Variants in CES1 observed in about 807,000 individuals in gnomAD.
CES1 encodes liver carboxylesterase 1.
Under a neutral mutation model 53.0 loss-of-function variants are expected in CES1, and 50 were observed. The ratio of observed to expected loss-of-function variants is 0.94; its 90% CI spans 0.75 to 1.19. CES1 has a LOEUF of 1.19. Ranked by LOEUF, CES1 falls within the 50% of genes most tolerant of loss-of-function variation. The probability of loss-of-function intolerance (pLI) is 0.00; values close to 1 mark genes in which losing one functional copy is unlikely to be tolerated. For synonymous variants in CES1, 202 were observed against 210.1 expected (o/e 0.96, Z 0.33); for missense variants, 534 against 538.0 (o/e 0.99, Z 0.07).
intron 2 of CES1, among the ~76,000 whole-genome samples, chr16:55,827,013 G>T (rs1296902382): frequency 7.2e-5 from 11 of 152,160 alleles, no homozygotes; most frequent in Admixed American, 7.2e-4. Flanking sequence ...AGCCTAGGCA[G>T]GTTAGAGAAC....
intron 2 of CES1, among the ~76,000 whole-genome samples, chr16:55,826,711 C>T (rs556445945): frequency 2.6e-5 from 4 of 152,180 alleles, no homozygotes; most frequent in Non-Finnish European, 2.9e-5. Context: ...ATTCCTTTTA[C>T]ACTCTGCGTC....
At chr16:55,813,152 C>G (rs1437357362) in intron 8 of CES1, 109 bp from the exon 9 acceptor site, 12 of 1,430,440 alleles carry the variant, frequency 8.4e-6, no homozygotes, top group East Asian at 4.5e-5. Context: ...CATGGCCATG[C>G]GCCATGGCTG....
intron 3 of CES1, among the ~76,000 whole-genome samples, chr16:55,825,635 G>A (rs1431050115): frequency 6.6e-6 from 1 of 152,232 alleles, no homozygotes; most frequent in Non-Finnish European, 1.5e-5. Context: ...TTGCTGTGCT[G>A]GAGAAAGGCC....
chr16:55,812,536 G>A (rs566356402), intron 9 of CES1: 86 of 354,334 alleles, frequency 2.4e-4, no homozygotes, highest in East Asian at 1.4e-3. Flanking sequence ...CACCCAGCCC[G>A]AGGTGGGAAG....
At chr16:55,832,646 G>C (rs1263204900) in intron 1 of CES1, among the ~76,000 whole-genome samples, 1 of 152,204 alleles carries the variant, frequency 6.6e-6, no homozygotes. Context: ...CTCCAGAGTC[G>C]ATGCTCTTAA....
At chr16:55,820,576 A>G (rs1236335445) in intron 5 of CES1, 97 bp from the exon 6 acceptor site, 126 of 1,587,576 alleles carry the variant, frequency 7.9e-5, no homozygotes, top group Non-Finnish European at 9.8e-5. Flanking sequence ...TATAAAACCA[A>G]CACGGGACTG....
Position 55,821,273 on chromosome 16 carries a change from A to G in CES1, c.693+95T>C, listed in dbSNP as rs2032178366. On this transcript the variant is annotated intron_variant, in intron 5 of 13. Coordinates refer to ENST00000360526, the MANE Select transcript of CES1 (RefSeq NM_001025195.2). ...GCCAGTCCTGAATTCAGGTATTGTA[A>G]TCAGAGGTATCCATAGCTGGATTGA... 2.7e-6 allele frequency: 4 copies of G among 1,485,882 alleles called. No individual in the cohort carries two copies. In the South Asian group the frequency reaches 4.6e-5, roughly 17 times the overall value. 92.0% of individuals were successfully genotyped at this position (1,485,882 alleles called of 1,614,324 possible).
At chr16:55,820,652 A>G (rs1313037177) in intron 5 of CES1, among the ~76,000 whole-genome samples, 173 bp from the exon 6 acceptor site, 2 of 152,108 alleles carry the variant, frequency 1.3e-5, no homozygotes, top group Admixed American at 6.5e-5. Flanking sequence ...TACAGCTCCC[A>G]GCACCTCTCA....
At chr16:55,816,881 G>T (rs374281641) in intron 8 of CES1, 43 bp downstream of exon 8, 3 of 1,591,008 alleles carry the variant, frequency 1.9e-6, no homozygotes, top group Non-Finnish European at 2.6e-6. Flanking sequence ...GCTTAAAGGT[G>T]CTAAGACTCA....
At chr16:55,809,887 A>G (rs1185010092) in intron 11 of CES1, among the ~76,000 whole-genome samples, 7 of 152,206 alleles carry the variant, frequency 4.6e-5, no homozygotes, top group Non-Finnish European at 1.0e-4. Context: ...GTCCCACAAT[A>G]ACTCCAGGCA....
chr16:55,817,720 G>C (rs1299719842), intron 7 of CES1, among the ~76,000 whole-genome samples: 3 of 151,608 alleles, frequency 2.0e-5, no homozygotes, highest in Non-Finnish European at 4.4e-5. Context: ...GTGTGTCTCT[G>C]TGTGTGTGTG....
At chr16:55,819,794 G>A (rs1377200551) in intron 6 of CES1, among the ~76,000 whole-genome samples, 155 bp from the exon 7 acceptor site, 2 of 152,206 alleles carry the variant, frequency 1.3e-5, no homozygotes, top group East Asian at 1.9e-4. Context: ...CAGGTCCCAC[G>A]GAGCGTTGCC....
At chr16:55,820,217 T>C (rs2032114679) in intron 6 of CES1, 155 bp downstream of exon 6, 2 of 605,884 alleles carry the variant, frequency 3.3e-6, no homozygotes, top group African/African-American at 3.8e-5. Flanking sequence ...CTGATCAAGG[T>C]GTCTCCTCGC....
intron 9 of CES1, among the ~76,000 whole-genome samples, chr16:55,811,521 C>T (rs1270773446): frequency 6.6e-6 from 1 of 152,206 alleles, no homozygotes; most frequent in Non-Finnish European, 1.5e-5. Flanking sequence ...ACGCACATAA[C>T]AACTCTTCCC....
chr16:55,826,499 T>C (rs2032425207), intron 2 of CES1, among the ~76,000 whole-genome samples: 1 of 151,950 alleles, frequency 6.6e-6, no homozygotes, highest in African/African-American at 2.4e-5. Flanking sequence ...CCAAGCAGAG[T>C]GAGAAGGGCT....
intron 7 of CES1, among the ~76,000 whole-genome samples, chr16:55,817,701 G>A (rs2032000867): frequency 1.3e-5 from 2 of 151,084 alleles, no homozygotes; most frequent in African/African-American, 4.9e-5. Flanking sequence ...TTTGTGTGTG[G>A]GTGTCTGTGT....
rs1471572376 is a variant in CES1, at chr16:55,828,776, T to G, written c.251A>C (p.Tyr84Ser). 1 of 1,614,148 alleles carries G rather than the reference T, an allele frequency of 6.2e-7. No homozygotes were observed. Among genetic ancestry groups the G allele is most frequent in the African/African-American group, 1.3e-5 (1 of 74,950 alleles). ...PWSFVKNATS[Y>S]PPMCTQDPKA... is the part of the protein sequence containing the mutation. ...ACATGCCGCAGCTTACATAGGAGGGTACGAGGTGGCATTCTTCACAAAGCT... is the reference window on the plus strand; with the variant it reads ...ACATGCCGCAGCTTACATAGGAGGGGACGAGGTGGCATTCTTCACAAAGCT... Residue 84 changes from tyrosine to serine, a missense_variant, in exon 2 of 14, where the codon TAC (tyrosine) becomes TCC (serine). Physicochemically the swap from Tyr to Ser is moderately radical, Grantham distance 144. Coordinates refer to ENST00000360526, the MANE Select transcript of CES1 (RefSeq NM_001025195.2).
chr16:55,814,745 T>C (rs2031856722), intron 8 of CES1, among the ~76,000 whole-genome samples: 1 of 152,244 alleles, frequency 6.6e-6, no homozygotes, highest in African/African-American at 2.4e-5. Context: ...TGAGACCCTA[T>C]GGCTTCTGGG....
chr16:55,812,853 A>G (rs760512487), intron 9 of CES1, 50 bp downstream of exon 9: 1 of 1,612,132 alleles, frequency 6.2e-7, no homozygotes, highest in African/African-American at 1.3e-5. Context: ...CAGAGACAGG[A>G]GGGCTGATGG....
Sources: gnomAD v4.1 joint callset for allele counts (sites outside exome capture counted in the v4.1 genomes callset) on GRCh38, gnomAD v4.1.1 for gene constraint, MANE v1.5 for transcripts, NCBI Gene and HGNC (gene_info 2026-07-23, HGNC 2026-07-21) for gene names.